The following PALD1 variants were observed in gnomAD, a reference collection of about 807,000 sequenced individuals.
PALD1 encodes phosphatase domain containing paladin 1.
Under a neutral mutation model 96.0 loss-of-function variants are expected in PALD1, and 57 were observed. That is an observed-to-expected ratio of 0.59 (90% CI 0.48 to 0.74). PALD1 has a LOEUF of 0.74. PALD1 is among the 30% of genes least tolerant of loss of function. The pLI is 0.00. For missense variants in PALD1, 1,063 were observed against 1,143.7 expected, an observed-to-expected ratio of 0.93 and a Z score of 1.02; for synonymous variants, 464 against 473.6, an observed-to-expected ratio of 0.98 and a Z score of 0.26.
chr10:70,541,332 TGA>T, intron 16 of PALD1, 90 bp downstream of exon 16: 1 of 1,534,942 alleles, frequency 6.5e-7, no homozygotes, highest in Non-Finnish European at 8.9e-7. Flanking sequence ...CAGGAGGGTG[TGA>T]GGGGCAGAGA....
the PALD1 span, among the ~76,000 whole-genome samples, chr10:70,472,594 G>C: frequency 4.6e-5 from 7 of 152,160 alleles, no homozygotes; most frequent in Admixed American, 6.5e-5. Context: ...GAGAGGGTGG[G>C]ACGGAAGGGG....
intron 1 of PALD1, among the ~76,000 whole-genome samples, chr10:70,497,494 C>T (rs1035562547): frequency 4.6e-5 from 7 of 152,300 alleles, no homozygotes; most frequent in Non-Finnish European, 1.0e-4. Flanking sequence ...TAGCTCTTTC[C>T]ATATCTGCTC....
intron 18 of PALD1, among the ~76,000 whole-genome samples, chr10:70,556,838 A>C (rs10999397): frequency 0.53 from 80,284 of 151,946 alleles, 22,165 homozygotes; most frequent in Middle Eastern, 0.7. Flanking sequence ...CGAGACCCTG[A>C]CTTGGTGCCT....
At position 70,534,780 on chromosome 10, in the gene PALD1, G is replaced by C. The variant is rs534104118; in HGVS notation, c.1164G>C (p.Leu388=). The change falls in exon 10 of 20, where the codon CTG becomes CTC. Residue 388 remains leucine (L), a synonymous_variant. Transcript: ENST00000263563. ...AITACAELHD[L]KEVVLENQKK... is the part of the protein sequence containing the mutation. ...CTGCCTGTGCCGAGTTGCATGACCT[G>C]AAAGAAGTGGTCTTGGAAAACCAGA... The C allele has an allele frequency of 6.2e-7, 1 of 1,612,370 alleles. No homozygotes were observed. The highest frequency in any genetic ancestry group is 1.7e-5 in the Admixed American group (1 of 59,848).
chr10:70,509,052 C>G (rs891800903), intron 1 of PALD1, among the ~76,000 whole-genome samples: 3 of 152,176 alleles, frequency 2.0e-5, no homozygotes, highest in Non-Finnish European at 2.9e-5. Flanking sequence ...GGCCCTCTGC[C>G]GTCCCCCAGA....
At position 70,538,716 on chromosome 10, in the gene PALD1, G is replaced by A. The variant is rs371163729; in HGVS notation, c.1453-176G>A. Among the ~76,000 whole-genome samples the A allele has an allele frequency of 2.0e-5, 3 of 152,236 alleles. No homozygotes were observed. In the East Asian group the frequency reaches 5.8e-4, roughly 29 times the overall value. On this transcript the variant is annotated intron_variant, in intron 12 of 19. Transcript: ENST00000263563. ...CTCAGCTTCCTGGTCCAGAGAGTGGGCACCATTGCACTTCTTCTTGCCAGG... is the reference window on the plus strand; with the variant it reads ...CTCAGCTTCCTGGTCCAGAGAGTGGACACCATTGCACTTCTTCTTGCCAGG...
intron 1 of PALD1, among the ~76,000 whole-genome samples, chr10:70,488,158 G>T (rs1471257364): frequency 6.6e-6 from 1 of 150,846 alleles, no homozygotes; most frequent in Non-Finnish European, 1.5e-5. Flanking sequence ...CCTCTTTCCT[G>T]TTGCCCAGGC....
intron 11 of PALD1, 32 bp downstream of exon 11, chr10:70,537,938 C>G: frequency 1.4e-6 from 2 of 1,445,712 alleles, no homozygotes; most frequent in Non-Finnish European, 1.9e-6. Flanking sequence ...CCCACGTCCC[C>G]TCCTCCTGGG....
At chr10:70,523,008 G>C (rs1279225477) in intron 1 of PALD1, among the ~76,000 whole-genome samples, 1 of 152,228 alleles carries the variant, frequency 6.6e-6, no homozygotes, top group African/African-American at 2.4e-5. Flanking sequence ...TTCAGGGTGA[G>C]AGCTACAGTG....
chr10:70,475,121 C>A (rs1448532385), upstream of PALD1, among the ~76,000 whole-genome samples: 1 of 152,226 alleles, frequency 6.6e-6, no homozygotes, highest in African/African-American at 2.4e-5. Context: ...CTCTTTGCAT[C>A]ATTTTACAAA....
In PALD1 at chr10:70,566,884, T is replaced by C; in HGVS notation, c.*151T>C. 1 of 587,628 alleles carries C rather than the reference T, an allele frequency of 1.7e-6. No homozygotes were observed. Among genetic ancestry groups the C allele is most frequent in the Non-Finnish European group, 3.0e-6 (1 of 335,040 alleles). 36.4% of individuals were successfully genotyped at this position (587,628 alleles called of 1,614,324 possible). On this transcript the variant is annotated 3_prime_UTR_variant, in exon 20 of 20. Transcript: ENST00000263563. ...GACTGAGCGGAGTTGGGAGCCTTTT[T>C]AGAAAGAACTTTTTATAGGACAGGG...
Position 70,566,769 on chromosome 10 carries a change from C to T in PALD1, c.*36C>T, listed in dbSNP as rs1238652541. On this transcript the variant is annotated 3_prime_UTR_variant, in exon 20 of 20. Transcript: ENST00000263563. ...TCCCTGTCCCCCCACCCACAGGGCCCCACGCAGGCCTGGGGTGTCTGAGGT... is the reference window on the plus strand; with the variant it reads ...TCCCTGTCCCCCCACCCACAGGGCCTCACGCAGGCCTGGGGTGTCTGAGGT... 2.0e-6 allele frequency: 3 copies of T among 1,470,686 alleles called. No individual in the cohort carries two copies. The highest frequency in any genetic ancestry group is 2.4e-5 in the South Asian group (2 of 82,486). 91.1% of individuals were successfully genotyped at this position (1,470,686 alleles called of 1,614,324 possible). A position where few individuals can be genotyped will look rare whatever the true frequency, so the allele number is the denominator to read the frequency against.
chr10:70,532,121 G>C (rs2132371448), intron 5 of PALD1, among the ~76,000 whole-genome samples: 1 of 152,300 alleles, frequency 6.6e-6, no homozygotes, highest in Admixed American at 6.5e-5. Flanking sequence ...CTGTGGGCCT[G>C]TTTCAGTATC....
chr10:70,499,218 C>T (rs1846249782), intron 1 of PALD1, among the ~76,000 whole-genome samples: 4 of 152,200 alleles, frequency 2.6e-5, no homozygotes, highest in Admixed American at 2.0e-4. Context: ...ACAGCCAGTG[C>T]TGTGTGTTTC....
At position 70,538,961 on chromosome 10, in the gene PALD1, C is replaced by T. The variant is rs149011748; in HGVS notation, c.1522C>T (p.Arg508Trp). 5.2e-5 allele frequency: 84 copies of T among 1,613,694 alleles called. No homozygotes were observed. Among genetic ancestry groups the T allele is most frequent in the African/African-American group, 1.7e-4 (13 of 74,952 alleles). The part of the protein sequence containing the change: ...VREMDVANFR[R>W]VPRMPIYGTA... The stretch of plus-strand genomic sequence containing the variant: ...AGAGATGGATGTGGCCAACTTCCGG[C>T]GGGTGCCCCGCATGCCCATCTACGG... The change falls in exon 13 of 20, where the codon CGG (arginine) becomes TGG (tryptophan). Residue 508 changes from arginine (R) to tryptophan (W), a missense_variant. Transcript: ENST00000263563.
chr10:70,568,040 G>A lies in PALD1; in HGVS notation c.*1307G>A, dbSNP rs1847886295. 1 of 152,166 alleles carries A rather than the reference G, an allele frequency of 6.6e-6. No homozygotes were observed. Among genetic ancestry groups the A allele is most frequent in the African/African-American group, 2.4e-5 (1 of 41,436 alleles). 9.4% of individuals were successfully genotyped at this position (152,166 alleles called of 1,614,324 possible). ...TGTCATTGGTCATGATATTTGAAAA[G>A]GGGAGGAGGCCGAAGTTGTTCCCAT... On this transcript the variant is annotated 3_prime_UTR_variant, in exon 20 of 20. Coordinates refer to ENST00000263563, the MANE Select transcript of PALD1 (RefSeq NM_014431.3).
At chr10:70,493,731 G>A (rs1159817095) in intron 1 of PALD1, among the ~76,000 whole-genome samples, 4 of 152,184 alleles carry the variant, frequency 2.6e-5, no homozygotes, top group Admixed American at 2.6e-4. Context: ...TGTGCCAGGA[G>A]GTTCACTGGC....
rs925908665 is a variant in PALD1 at position 70,568,107 on chromosome 10, C to A, written c.*1374C>A. 2.6e-5 allele frequency: 4 copies of A among 152,270 alleles called. No homozygotes were observed. Among genetic ancestry groups the A allele is most frequent in the African/African-American group, 7.2e-5 (3 of 41,544 alleles). 9.4% of individuals were successfully genotyped at this position (152,270 alleles called of 1,614,324 possible). A position where few individuals can be genotyped will look rare whatever the true frequency, so the allele number is the denominator to read the frequency against. The stretch of plus-strand genomic sequence containing the variant: ...AATATTTGACCCCCTTGGCTGAATT[C>A]TTTTGCAGAACTACTGTGTGTCTGT... On this transcript the variant is annotated 3_prime_UTR_variant, in exon 20 of 20. Transcript: ENST00000263563.
At chr10:70,523,879 C>T (rs187490560) in intron 1 of PALD1, among the ~76,000 whole-genome samples, 4 of 152,194 alleles carry the variant, frequency 2.6e-5, no homozygotes, top group Admixed American at 2.6e-4. Flanking sequence ...TGGGAGGTGG[C>T]TCTAGGGTAG....
Sources: allele counts gnomAD v4.1 joint callset (sites outside exome capture counted in the v4.1 genomes callset), GRCh38; gene constraint gnomAD v4.1.1; transcripts MANE v1.5; gene names NCBI Gene and HGNC (gene_info 2026-07-23, HGNC 2026-07-21).